Variants in PALLD observed in about 807,000 individuals in gnomAD.
The protein encoded by PALLD is palladin, cytoskeletal associated protein.
Under a neutral mutation model 123.5 loss-of-function variants are expected in PALLD, and 61 were observed. The observed-to-expected ratio is 0.49, with a 90% CI of 0.40 to 0.61. The LOEUF is 0.61. Ranked by LOEUF, PALLD falls within the 20% of genes least tolerant of loss-of-function variation. The probability of loss-of-function intolerance (pLI) is 0.00; values close to 1 mark genes in which losing one functional copy is unlikely to be tolerated. For missense variants in PALLD, 1,273 were observed against 1,377.0 expected, an observed-to-expected ratio of 0.92 and a Z score of 1.20; for synonymous variants, 465 against 496.4, an observed-to-expected ratio of 0.94 and a Z score of 0.84.
At chr4:168,885,910 C>G (rs150897464) in intron 10 of PALLD, among the ~76,000 whole-genome samples, 43 of 152,276 alleles carry the variant, frequency 2.8e-4, no homozygotes, top group African/African-American at 9.6e-4. Flanking sequence ...CTTCCAGGAC[C>G]TAACTATTTG....
At chr4:168,571,483 T>C (rs1177676486) in intron 2 of PALLD, among the ~76,000 whole-genome samples, 2 of 152,192 alleles carry the variant, frequency 1.3e-5, no homozygotes, top group African/African-American at 4.8e-5. Context: ...ACGTAACTTA[T>C]CAACCATTCA....
At chr4:168,500,576 A>C (rs1272005806) in intron 1 of PALLD, among the ~76,000 whole-genome samples, 1 of 152,060 alleles carries the variant, frequency 6.6e-6, no homozygotes, top group Non-Finnish European at 1.5e-5. Context: ...AAATCTAACT[A>C]TGTTGCCCAG....
At chr4:168,840,177 T>G (rs777615860) in intron 10 of PALLD, among the ~76,000 whole-genome samples, 3 of 152,194 alleles carry the variant, frequency 2.0e-5, no homozygotes, top group Non-Finnish European at 4.4e-5. Flanking sequence ...TCCATACTTC[T>G]CTCACATTGC....
chr4:168,771,390 A>G (rs969812767), intron 10 of PALLD, among the ~76,000 whole-genome samples: 1 of 152,158 alleles, frequency 6.6e-6, no homozygotes, highest in Non-Finnish European at 1.5e-5. Flanking sequence ...TCAAAAATGC[A>G]CAGTTGTTGA....
At chr4:168,925,465 A>C (rs568057214) in intron 21 of PALLD, 187 bp downstream of exon 21, 3 of 615,946 alleles carry the variant, frequency 4.9e-6, no homozygotes, top group East Asian at 5.7e-5. Flanking sequence ...ATTTCTTCCT[A>C]TATTCTATCG....
At chr4:168,764,831 G>T (rs1365792823) in intron 10 of PALLD, among the ~76,000 whole-genome samples, 1 of 151,988 alleles carries the variant, frequency 6.6e-6, no homozygotes, top group Non-Finnish European at 1.5e-5. Flanking sequence ...CACCTCTCTT[G>T]GCTCCAGGTG....
intron 2 of PALLD, among the ~76,000 whole-genome samples, chr4:168,539,328 G>A (rs927963643): frequency 2.0e-5 from 3 of 152,108 alleles, no homozygotes; most frequent in African/African-American, 4.8e-5. Context: ...GGTGGCTCAC[G>A]CCTGTAATCC....
chr4:168,814,171 T>G (rs1469804344), intron 10 of PALLD, among the ~76,000 whole-genome samples: 3 of 152,098 alleles, frequency 2.0e-5, no homozygotes, highest in African/African-American at 7.2e-5. Flanking sequence ...ATGAGAAAGG[T>G]TGAGTCTAAG....
At chr4:168,910,361 T>C (rs1260913838) in intron 15 of PALLD, among the ~76,000 whole-genome samples, 1 of 152,068 alleles carries the variant, frequency 6.6e-6, no homozygotes, top group Non-Finnish European at 1.5e-5. Flanking sequence ...TTCAGTATGA[T>C]TGTGCTTAGC....
intron 10 of PALLD, among the ~76,000 whole-genome samples, chr4:168,809,329 TTCTTCTTCTTC>T (rs1334507927): frequency 1.4e-5 from 2 of 144,414 alleles, no homozygotes; most frequent in Non-Finnish European, 3.1e-5. Context: ...CTTCTTCTTC[TTCTTCTTCTTC>T]TTTTTTTTTT....
At chr4:168,667,143 C>T (rs1229142338) in intron 2 of PALLD, among the ~76,000 whole-genome samples, 1 of 152,052 alleles carries the variant, frequency 6.6e-6, no homozygotes, top group South Asian at 2.1e-4. Context: ...ACTTTATTTT[C>T]AAATTAAATT....
At chr4:168,842,740 G>T (rs1393317655) in intron 10 of PALLD, among the ~76,000 whole-genome samples, 1 of 152,200 alleles carries the variant, frequency 6.6e-6, no homozygotes, top group African/African-American at 2.4e-5. Context: ...TTCCTATCCA[G>T]TTCTCTCTAT....
chr4:168,683,228 AT>A (rs2150091760), intron 5 of PALLD, 125 bp downstream of exon 5: 1 of 587,806 alleles, frequency 1.7e-6, no homozygotes, highest in Non-Finnish European at 3.1e-6. Context: ...TGGACACAAA[AT>A]TCAGAGCAAA....
chr4:168,870,691 A>G (rs1750957920), intron 10 of PALLD, among the ~76,000 whole-genome samples: 1 of 152,192 alleles, frequency 6.6e-6, no homozygotes, highest in Non-Finnish European at 1.5e-5. Flanking sequence ...CATAAAATCT[A>G]AAAGTTTATT....
chr4:168,925,748 G>T (rs147909995), intron 21 of PALLD, among the ~76,000 whole-genome samples: 28 of 152,236 alleles, frequency 1.8e-4, no homozygotes, highest in Non-Finnish European at 3.1e-4. Context: ...GCCTCTTCTT[G>T]AAATAACTAT....
intron 2 of PALLD, among the ~76,000 whole-genome samples, chr4:168,515,419 C>T (rs1762898026): frequency 6.6e-6 from 1 of 152,154 alleles, no homozygotes; most frequent in Admixed American, 6.5e-5. Context: ...CAGGCCATTT[C>T]CTGAGGTCAC....
chr4:168,794,573 T>A (rs141755234), intron 10 of PALLD, among the ~76,000 whole-genome samples: 213 of 151,592 alleles, frequency 1.4e-3, no homozygotes, highest in African/African-American at 5.0e-3. Context: ...TTTCACTAGC[T>A]AGAGGGGTTA....
chr4:168,916,317 T>A (rs1760079633), intron 17 of PALLD, among the ~76,000 whole-genome samples: 1 of 152,000 alleles, frequency 6.6e-6, no homozygotes, highest in Non-Finnish European at 1.5e-5. Flanking sequence ...GAGGCTGAGT[T>A]GGAAGGACTG....
intron 10 of PALLD, among the ~76,000 whole-genome samples, chr4:168,755,404 A>G (rs1282970853): frequency 1.3e-5 from 2 of 150,920 alleles, no homozygotes; most frequent in African/African-American, 4.9e-5. Context: ...ACGGGGAAAG[A>G]TCACGTTTTT....
Sources: allele counts gnomAD v4.1 joint callset (sites outside exome capture counted in the v4.1 genomes callset), GRCh38; gene constraint gnomAD v4.1.1; transcripts MANE v1.5; gene names NCBI Gene and HGNC (gene_info 2026-07-23, HGNC 2026-07-21).